The following TCAIM variants were observed in gnomAD, a reference collection of about 807,000 sequenced individuals.
TCAIM encodes T-cell activation inhibitor, mitochondrial.
A neutral mutation model predicts 58.6 loss-of-function variants in TCAIM; 36 were observed. That is an observed-to-expected ratio of 0.61 (90% CI 0.47 to 0.81). The LOEUF (loss-of-function observed/expected upper bound fraction) is 0.81, where lower values mean the gene tolerates loss of function less well. Among genes scored for constraint, TCAIM ranks in the 30% least tolerant of loss-of-function variants. The probability of loss-of-function intolerance (pLI) is 0.00; values close to 1 mark genes in which losing one functional copy is unlikely to be tolerated. For missense variants in TCAIM, 466 were observed against 579.6 expected, an observed-to-expected ratio of 0.80 and a Z score of 2.01; for synonymous variants, 172 against 193.6, an observed-to-expected ratio of 0.89 and a Z score of 0.93.
chr3:44,347,564 G>A (rs1354442275), intron 1 of TCAIM, among the ~76,000 whole-genome samples: 1 of 152,256 alleles, frequency 6.6e-6, no homozygotes, highest in African/African-American at 2.4e-5. Context: ...GGATAGGAGA[G>A]TATATGGGTT....
intron 4 of TCAIM, among the ~76,000 whole-genome samples, chr3:44,364,216 C>T (rs1384252659): frequency 3.3e-5 from 5 of 149,978 alleles, no homozygotes; most frequent in Non-Finnish European, 5.9e-5. Context: ...CATGAGCCAC[C>T]GCACCTGGCT....
chr3:44,370,351 G>C (rs1239890782), intron 5 of TCAIM, among the ~76,000 whole-genome samples: 1 of 151,136 alleles, frequency 6.6e-6, no homozygotes, highest in Non-Finnish European at 1.5e-5. Context: ...AGCTACTCAA[G>C]AAGCTGAGGC....
intron 1 of TCAIM, among the ~76,000 whole-genome samples, chr3:44,347,678 TA>T (rs912830324): frequency 1.3e-5 from 2 of 152,150 alleles, no homozygotes; most frequent in African/African-American, 2.4e-5. Context: ...AATGGAATTG[TA>T]AGGAGAGTTT....
At chr3:44,340,986 A>T (rs568379290) in intron 1 of TCAIM, 2 of 152,280 alleles carry the variant, frequency 1.3e-5, no homozygotes, top group Non-Finnish European at 1.5e-5. Flanking sequence ...TTTCATTCTT[A>T]TTCTTAAACA....
intron 6 of TCAIM, among the ~76,000 whole-genome samples, chr3:44,394,908 AAAAAAAAAAAAAAATATATATATATATAT>A (rs1559581770): frequency 1.9e-5 from 1 of 51,324 alleles, no homozygotes; most frequent in Non-Finnish European, 3.7e-5. Context: ...AAAAAAAAAA[AAAAAAAAAAAAAAATATATATATATATAT>A]ATATATATAT....
At chr3:44,406,784 G>A (rs1440807019) in intron 10 of TCAIM, among the ~76,000 whole-genome samples, 1 of 152,178 alleles carries the variant, frequency 6.6e-6, no homozygotes, top group African/African-American at 2.4e-5. Flanking sequence ...TCTAGATGTA[G>A]CACATTGAAT....
intron 6 of TCAIM, among the ~76,000 whole-genome samples, chr3:44,393,237 C>T (rs1209737453): frequency 1.3e-5 from 2 of 151,978 alleles, no homozygotes; most frequent in Non-Finnish European, 2.9e-5. Context: ...GTGGGAGGAT[C>T]GCTTGAGCCC....
Position 44,357,891 on chromosome 3 carries a change from A to C in TCAIM, c.165+15A>C. Reference sequence around the variant, plus strand: ...CCGTAGAAAGGGTAAACATTTATTTATTTTTAAACCATTAGTGTACATTTC... The same window carrying C: ...CCGTAGAAAGGGTAAACATTTATTTCTTTTTAAACCATTAGTGTACATTTC... On this transcript the variant is annotated intron_variant, in intron 3 of 10. Transcript: ENST00000342649. 1 of 1,611,380 alleles carries C rather than the reference A, an allele frequency of 6.2e-7. No homozygotes were observed. The highest frequency in any genetic ancestry group is 2.2e-5 in the East Asian group (1 of 44,842).
At chr3:44,342,095 A>G (rs1449971331) in intron 1 of TCAIM, among the ~76,000 whole-genome samples, 1 of 152,188 alleles carries the variant, frequency 6.6e-6, no homozygotes, top group Non-Finnish European at 1.5e-5. Context: ...TATTACTAGT[A>G]TTAGAATTGT....
intron 4 of TCAIM, among the ~76,000 whole-genome samples, chr3:44,366,578 G>C (rs1488063789): frequency 6.7e-6 from 1 of 148,584 alleles, no homozygotes; most frequent in East Asian, 2.0e-4. Flanking sequence ...CCATTCTCCT[G>C]CCTCAGCCTC....
At chr3:44,393,371 G>A (rs975300403) in intron 6 of TCAIM, among the ~76,000 whole-genome samples, 1 of 152,100 alleles carries the variant, frequency 6.6e-6, no homozygotes, top group African/African-American at 2.4e-5. Flanking sequence ...TGAGGCAAGA[G>A]GATCACTTAA....
chr3:44,382,683 A>G (rs1202889464), intron 5 of TCAIM, among the ~76,000 whole-genome samples: 4 of 152,206 alleles, frequency 2.6e-5, no homozygotes, highest in African/African-American at 9.7e-5. Context: ...TGGATTTGCC[A>G]GTGATTTCGT....
Position 44,401,342 on chromosome 3 carries a change from C to T in TCAIM, c.1250+8C>T, listed in dbSNP as rs752925059. Reference sequence around the variant, plus strand: ...CATGAAAAGAAAGGAAGAGTAAGTACTGCCAGTCTTCTGTAAAGTCAGATC... The same window carrying T: ...CATGAAAAGAAAGGAAGAGTAAGTATTGCCAGTCTTCTGTAAAGTCAGATC... On this transcript the variant is annotated splice_region_variant and intron_variant, in intron 10 of 10. Transcript: ENST00000342649. 86 of 1,613,370 alleles carry T rather than the reference C, an allele frequency of 5.3e-5. No individual in the cohort carries two copies. The highest frequency in any genetic ancestry group is 7.1e-5 in the Non-Finnish European group (84 of 1,179,776).
chr3:44,401,149 G>C, intron 9 of TCAIM, 54 bp from the exon 10 acceptor site: 1 of 1,586,998 alleles, frequency 6.3e-7, no homozygotes, highest in South Asian at 1.1e-5. Flanking sequence ...ATTTTCTCTG[G>C]TGGGGGAGAG....
rs71089100 is a variant in TCAIM, at chr3:44,383,809, C to CAAA, written c.573-9023_573-9021dup. The stretch of plus-strand genomic sequence containing the variant: ...GCAACATGGCAAGACCCTGTCTCTA[C>CAAA]AAAAAAAAAAAAAAAAAAAAAAAAA... On this transcript the variant is annotated intron_variant, in intron 5 of 10. Coordinates refer to ENST00000342649, the MANE Select transcript of TCAIM (RefSeq NM_173826.4). Among the ~76,000 whole-genome samples the CAAA allele has an allele frequency of 9.6e-3, 916 of 95,176 alleles. 9 individuals carry two copies. Among genetic ancestry groups the CAAA allele is most frequent in the Middle Eastern group, 0.02 (3 of 148 alleles). 62.4% of individuals were successfully genotyped at this position (95,176 alleles called of 152,430 possible). A position where few individuals can be genotyped will look rare whatever the true frequency, so the allele number is the denominator to read the frequency against.
At chr3:44,367,409 G>A in intron 4 of TCAIM, 47 bp from the exon 5 acceptor site, 3 of 1,528,216 alleles carry the variant, frequency 2.0e-6, no homozygotes, top group Non-Finnish European at 2.6e-6. Context: ...TTGAAATAAA[G>A]CAAATAATCA....
At chr3:44,377,114 A>G (rs1266024143) in intron 5 of TCAIM, among the ~76,000 whole-genome samples, 3 of 152,100 alleles carry the variant, frequency 2.0e-5, no homozygotes, top group Non-Finnish European at 2.9e-5. Context: ...AAATAATAAA[A>G]CACATGATTC....
At chr3:44,393,971 G>C (rs1391566797) in intron 6 of TCAIM, among the ~76,000 whole-genome samples, 1 of 152,150 alleles carries the variant, frequency 6.6e-6, no homozygotes, top group Non-Finnish European at 1.5e-5. Flanking sequence ...GTAAGGAAGG[G>C]AAAAGGAGTC....
intron 9 of TCAIM, chr3:44,400,877 A>G: frequency 2.0e-6 from 1 of 491,832 alleles, no homozygotes; most frequent in Non-Finnish European, 3.6e-6. Flanking sequence ...ATCAGTAGCC[A>G]ACATTTGTGG....
Sources: allele counts gnomAD v4.1 joint callset (sites outside exome capture counted in the v4.1 genomes callset), GRCh38; gene constraint gnomAD v4.1.1; transcripts MANE v1.5; gene names NCBI Gene and HGNC (gene_info 2026-07-23, HGNC 2026-07-21).